HIVEP3: variants seen among roughly 807,000 people sequenced by gnomAD.
The protein encoded by HIVEP3 is HIVEP zinc finger 3.
A neutral mutation model predicts 152.8 loss-of-function variants in HIVEP3; 49 were observed. The ratio of observed to expected loss-of-function variants is 0.32; its 90% CI spans 0.26 to 0.41. The LOEUF (loss-of-function observed/expected upper bound fraction) is 0.41. Ranked by LOEUF, HIVEP3 falls within the 10% of genes least tolerant of loss-of-function variation. The pLI is 1.00. For missense variants in HIVEP3, 2,790 were observed against 3,103.3 expected (o/e 0.90, Z 2.40); for synonymous variants, 1,269 against 1,289.0 (o/e 0.98, Z 0.33).
At chr1:41,675,210 C>T (rs1432572020) in intron 2 of HIVEP3, among the ~76,000 whole-genome samples, 2 of 152,098 alleles carry the variant, frequency 1.3e-5, no homozygotes, top group Admixed American at 1.3e-4. Context: ...ACATGGTGTC[C>T]AAGGCCTGCT....
rs1473834255 is a variant in HIVEP3 at position 41,510,931 on chromosome 1, A to C, written c.6741T>G (p.Thr2247=). The C allele has an allele frequency of 5.0e-6, 8 of 1,613,526 alleles. No individual in the cohort carries two copies. The highest frequency in any genetic ancestry group is 5.9e-6 in the Non-Finnish European group (7 of 1,179,876). Reference sequence around the variant, plus strand: ...GCGACACGGAGGCTGACGAGCTCTCAGTGGGACTCCAGCGGCCTCGCTCCT... The same window carrying C: ...GCGACACGGAGGCTGACGAGCTCTCCGTGGGACTCCAGCGGCCTCGCTCCT... ...EAQERGRWSP[T]ESSSASVSPV... Residue 2247 remains threonine, a synonymous_variant, in exon 9 of 9, where the codon ACT becomes ACG. Coordinates refer to ENST00000372583, the MANE Select transcript of HIVEP3 (RefSeq NM_024503.5).
chr1:41,752,116 C>T (rs1000107652), intron 1 of HIVEP3, among the ~76,000 whole-genome samples: 6 of 152,174 alleles, frequency 3.9e-5, no homozygotes, highest in Admixed American at 1.3e-4. Context: ...ACAACAAGTC[C>T]ACTGGACTGC....
At chr1:41,975,939 TAGA>T (rs1645256741) in intron 1 of HIVEP3, among the ~76,000 whole-genome samples, 2 of 152,042 alleles carry the variant, frequency 1.3e-5, no homozygotes, top group Non-Finnish European at 2.9e-5. Context: ...GGCTCACGAG[TAGA>T]AGAACACCCA....
intron 1 of HIVEP3, among the ~76,000 whole-genome samples, chr1:41,751,153 T>C (rs180885973): frequency 6.6e-4 from 101 of 152,166 alleles, no homozygotes; most frequent in African/African-American, 2.0e-3. Flanking sequence ...TCCTCACTTG[T>C]AAAGCAAGAT....
At chr1:41,614,454 C>T (rs1644939618) in intron 3 of HIVEP3, among the ~76,000 whole-genome samples, 2 of 152,360 alleles carry the variant, frequency 1.3e-5, no homozygotes, top group South Asian at 4.1e-4. Context: ...CTGCCTAAGG[C>T]AAGCCTCCTT....
intron 2 of HIVEP3, among the ~76,000 whole-genome samples, chr1:41,682,935 A>C (rs1198321757): frequency 2.6e-5 from 4 of 152,236 alleles, no homozygotes; most frequent in Admixed American, 6.5e-5. Context: ...CAAAAGTGCC[A>C]CCACGGAAGA....
At chr1:41,867,064 G>A (rs776159324) in intron 1 of HIVEP3, among the ~76,000 whole-genome samples, 39 of 152,146 alleles carry the variant, frequency 2.6e-4, no homozygotes, top group Non-Finnish European at 5.0e-4. Context: ...GGAGAGCCAG[G>A]GCCAGTCTTT....
At chr1:41,774,561 T>C (rs969347460) in intron 1 of HIVEP3, among the ~76,000 whole-genome samples, 4 of 152,164 alleles carry the variant, frequency 2.6e-5, no homozygotes, top group Admixed American at 6.5e-5. Context: ...AATCAATAAA[T>C]CCTGGGCCAT....
chr1:41,697,069 G>A (rs1646287892), intron 2 of HIVEP3, among the ~76,000 whole-genome samples: 1 of 152,160 alleles, frequency 6.6e-6, no homozygotes, highest in Non-Finnish European at 1.5e-5. Flanking sequence ...AGAGACGGAG[G>A]CCCCAGGAAC....
At position 41,595,466 on chromosome 1, in the gene HIVEP3, G is replaced by C. The variant is rs12164654; in HGVS notation, c.-521-10148C>G. On this transcript the variant is annotated intron_variant, in intron 3 of 8. Coordinates refer to ENST00000372583, the MANE Select transcript of HIVEP3 (RefSeq NM_024503.5). Reference sequence around the variant, plus strand: ...ATTGTTGTTCCTGGTGGGACATGCCGAGAAAGGAGTCTGGAGACTAATTCC... The same window carrying C: ...ATTGTTGTTCCTGGTGGGACATGCCCAGAAAGGAGTCTGGAGACTAATTCC... Among the ~76,000 whole-genome samples, 90 of 152,274 alleles carry C rather than the reference G, an allele frequency of 5.9e-4. 1 individual carries two copies. The highest frequency in any genetic ancestry group is 2.2e-3 in the African/African-American group (90 of 41,528).
rs1317358947 is a variant in HIVEP3 at position 41,662,645 on chromosome 1, G to A, written c.-720-33698C>T. Reference sequence around the variant, plus strand: ...GGAATCCCTGGCTGCCGGCGGCCGCGGGGAGGGTCTGCGCGCCGGCCTCCT... The same window carrying A: ...GGAATCCCTGGCTGCCGGCGGCCGCAGGGAGGGTCTGCGCGCCGGCCTCCT... On this transcript the variant is annotated intron_variant, in intron 2 of 8. Coordinates refer to ENST00000372583, the MANE Select transcript of HIVEP3 (RefSeq NM_024503.5). This position sits in a 1 kb window ranked among gnomAD's most constrained non-coding sequence, Gnocchi z 7.2. Among the ~76,000 whole-genome samples the A allele has an allele frequency of 2.0e-5, 3 of 151,520 alleles. No homozygotes were observed. The highest frequency in any genetic ancestry group is 4.4e-5 in the Non-Finnish European group (3 of 67,778).
rs538336478 is a variant in HIVEP3, at chr1:41,987,970, G to A, written n.119+47837C>T. ...AACAGTATGGGGGAACCACCCCCAT[G>A]ATCCAATCACCTCCCTCACTCAACA... On this transcript the variant is annotated intron_variant and non_coding_transcript_variant, in intron 1 of 3. Coordinates refer to the HIVEP3 transcript ENST00000489103. Among the ~76,000 whole-genome samples the A allele has an allele frequency of 2.4e-3, 370 of 152,286 alleles. 1 individual carries two copies. The highest frequency in any genetic ancestry group is 8.4e-3 in the African/African-American group (350 of 41,560).
At position 41,580,715 on chromosome 1, in the gene HIVEP3, G is replaced by A. The variant is rs753050470; in HGVS notation, c.4083C>T (p.Pro1361=). Residue 1361 remains proline (P), a synonymous_variant, in exon 4 of 9, where the codon CCC becomes CCT. Coordinates refer to ENST00000372583, the MANE Select transcript of HIVEP3 (RefSeq NM_024503.5). ...ATVALPKFEE[P]PSKGTTVCGA... Reference sequence around the variant, plus strand: ...CACATACAGTCGTCCCCTTTGATGGGGGTTCCTCAAACTTGGGAAGTGCCA... The same window carrying A: ...CACATACAGTCGTCCCCTTTGATGGAGGTTCCTCAAACTTGGGAAGTGCCA... 6.3e-7 allele frequency: 1 copy of A among 1,595,518 alleles called. No individual in the cohort carries two copies. Among genetic ancestry groups the A allele is most frequent in the Non-Finnish European group, 8.5e-7 (1 of 1,170,968 alleles).
At chr1:41,599,536 GA>G (rs1300145868) in intron 3 of HIVEP3, among the ~76,000 whole-genome samples, 2 of 152,162 alleles carry the variant, frequency 1.3e-5, no homozygotes, top group Non-Finnish European at 2.9e-5. Flanking sequence ...TCCTAAAAAT[GA>G]GTAAGAAAAA....
At chr1:41,697,984 C>T (rs1487699625) in intron 2 of HIVEP3, among the ~76,000 whole-genome samples, 1 of 152,166 alleles carries the variant, frequency 6.6e-6, no homozygotes, top group Non-Finnish European at 1.5e-5. Context: ...GTGTTTGGGC[C>T]AGTCACAGTC....
chr1:41,531,222 G>A (rs921855333), intron 5 of HIVEP3, among the ~76,000 whole-genome samples: 1 of 146,970 alleles, frequency 6.8e-6, no homozygotes, highest in African/African-American at 2.5e-5. Flanking sequence ...GGACAGGAGA[G>A]AAGGGAGAAC....
intron 5 of HIVEP3, among the ~76,000 whole-genome samples, chr1:41,554,588 C>T (rs1643936853): frequency 6.6e-6 from 1 of 152,220 alleles, no homozygotes; most frequent in Non-Finnish European, 1.5e-5. Flanking sequence ...TTAGAATTTT[C>T]AGCTTTTCTA....
Position 41,582,072 on chromosome 1 carries a change from C to T in HIVEP3, c.2726G>A (p.Arg909His). 7 of 1,614,156 alleles carry T rather than the reference C, an allele frequency of 4.3e-6. No individual in the cohort carries two copies. The highest frequency in any genetic ancestry group is 1.1e-5 in the South Asian group (1 of 91,068). Residue 909 changes from arginine to histidine, a missense_variant, in exon 4 of 9, where the codon CGC becomes CAC. By Grantham distance (29) the Arg-to-His change is conservative. Around this residue, in one of 9 missense-constraint regions of HIVEP3, gnomAD observed 1,078 missense variants for 1,165.3 expected, o/e 0.93. Coordinates refer to ENST00000372583, the MANE Select transcript of HIVEP3 (RefSeq NM_024503.5). This position sits in a 1 kb window ranked among gnomAD's most constrained non-coding sequence, Gnocchi z 4.7. The stretch of plus-strand genomic sequence containing the variant: ...TGATGATTGGGCCATCTCTGCCAGG[C>T]GCAACCTCTTCTTTTTGGGTGGCAG... The part of the protein sequence containing the change: ...EKLPPKKKRL[R>H]LAEMAQSSGE...
intron 1 of HIVEP3, among the ~76,000 whole-genome samples, chr1:41,904,073 T>G (rs151312878): frequency 4.5e-4 from 68 of 152,006 alleles, no homozygotes; most frequent in Non-Finnish European, 7.9e-4. Flanking sequence ...ATTTTTACAT[T>G]TTTAGTAGAG....
Sources: gnomAD v4.1 joint callset for allele counts (sites outside exome capture counted in the v4.1 genomes callset) on GRCh38, gnomAD v4.1.1 for gene constraint, gnomAD v4.1.1 regional missense constraint, Gnocchi (gnomAD v3.1) non-coding constraint, MANE v1.5 for transcripts, NCBI Gene and HGNC (gene_info 2026-07-23, HGNC 2026-07-21) for gene names.